SUGCT: variants seen among roughly 807,000 people sequenced by gnomAD.
SUGCT encodes the protein succinyl-CoA:glutarate-CoA transferase, also known as succinyl-CoA:glutarate CoA-transferase.
A neutral mutation model predicts 55.0 loss-of-function variants in SUGCT; 41 were observed. That is an observed-to-expected ratio of 0.74 (90% CI 0.58 to 0.97). The LOEUF (loss-of-function observed/expected upper bound fraction) is 0.97. SUGCT is among the 50% of genes least tolerant of loss of function. SUGCT has a pLI of 0.00. For missense variants in SUGCT, 568 were observed against 547.8 expected (o/e 1.04, Z -0.37); for synonymous variants, 187 against 200.4 (o/e 0.93, Z 0.56).
chr7:40,666,404 T>C (rs1343833453), intron 12 of SUGCT, among the ~76,000 whole-genome samples: 1 of 100,236 alleles, frequency 1.0e-5, no homozygotes, highest in African/African-American at 5.8e-5. Flanking sequence ...AGAAAGAAAG[T>C]AGGGTTATAG....
chr7:40,180,506 T>C (rs936168497), intron 1 of SUGCT, among the ~76,000 whole-genome samples: 4 of 151,774 alleles, frequency 2.6e-5, no homozygotes, highest in Admixed American at 6.6e-5. Flanking sequence ...TTTTTTTTTT[T>C]CGAGACAGAG....
At chr7:40,742,731 A>C (rs1322104628) in intron 12 of SUGCT, among the ~76,000 whole-genome samples, 1 of 152,234 alleles carries the variant, frequency 6.6e-6, no homozygotes, top group Non-Finnish European at 1.5e-5. Flanking sequence ...ATTTGTTGTC[A>C]GGAATTTATG....
At chr7:40,426,114 A>C (rs910689809) in intron 9 of SUGCT, among the ~76,000 whole-genome samples, 30 of 152,144 alleles carry the variant, frequency 2.0e-4, no homozygotes, top group Admixed American at 1.4e-3. Flanking sequence ...ACAGGGAGAT[A>C]AGCTCTATTC....
intron 6 of SUGCT, among the ~76,000 whole-genome samples, chr7:40,230,538 A>T (rs928755597): frequency 6.6e-6 from 1 of 152,208 alleles, no homozygotes; most frequent in African/African-American, 2.4e-5. Flanking sequence ...AGGACATGAG[A>T]GGCTGGATGG....
intron 9 of SUGCT, among the ~76,000 whole-genome samples, chr7:40,350,078 A>T (rs1411577194): frequency 6.6e-6 from 1 of 152,084 alleles, no homozygotes; most frequent in Non-Finnish European, 1.5e-5. Flanking sequence ...CATTTAGAAT[A>T]TACCTAGCAG....
chr7:40,666,966 A>G (rs769251437), intron 12 of SUGCT, among the ~76,000 whole-genome samples: 1 of 151,936 alleles, frequency 6.6e-6, no homozygotes, highest in African/African-American at 2.4e-5. Flanking sequence ...CGTCTCTACT[A>G]AAATTAGATG....
At chr7:40,942,900 C>A in the SUGCT span, among the ~76,000 whole-genome samples, 8,592 of 151,964 alleles carry the variant, frequency 0.057, 255 homozygotes, top group Middle Eastern at 0.078. Flanking sequence ...TCTTTTATTT[C>A]CAGAAGTTCT....
At chr7:40,820,491 A>C (rs1461835894) in intron 13 of SUGCT, among the ~76,000 whole-genome samples, 2 of 152,080 alleles carry the variant, frequency 1.3e-5, no homozygotes, top group Non-Finnish European at 2.9e-5. Flanking sequence ...ATCCCTTGTA[A>C]GTTGGATTCC....
Position 40,850,182 on chromosome 7 carries a change from T to G in SUGCT, c.1154-10134T>G, listed in dbSNP as rs151249145. Among the ~76,000 whole-genome samples, 365 of 152,214 alleles carry G rather than the reference T, an allele frequency of 2.4e-3. 4 individuals are homozygous for G. In the Middle Eastern group the frequency reaches 0.041, roughly 17 times the overall value. The stretch of plus-strand genomic sequence containing the variant: ...TCATTCTCTCCTTCCTTTGCTCTCT[T>G]TCTTTCACCAGAAAGCAGTGTGGTC... On this transcript the variant is annotated intron_variant, in intron 13 of 13. Coordinates refer to ENST00000335693, the MANE Select transcript of SUGCT (RefSeq NM_001193313.2).
At chr7:40,234,218 A>G (rs1008637349) in intron 6 of SUGCT, among the ~76,000 whole-genome samples, 1 of 152,330 alleles carries the variant, frequency 6.6e-6, no homozygotes, top group East Asian at 1.9e-4. Flanking sequence ...AGTTAACTGA[A>G]ACTTAATTTC....
the SUGCT span, among the ~76,000 whole-genome samples, chr7:40,978,538 G>A: frequency 5.9e-5 from 9 of 152,124 alleles, no homozygotes; most frequent in Admixed American, 2.6e-4. Context: ...AGTCAAAAAC[G>A]TGTGAGTGGG....
chr7:40,968,881 A>T, the SUGCT span, among the ~76,000 whole-genome samples: 3 of 152,082 alleles, frequency 2.0e-5, no homozygotes, highest in African/African-American at 7.2e-5. Context: ...CTGAGGGTGG[A>T]AGTCCCCTCC....
At chr7:40,483,857 A>G (rs1022800460) in intron 11 of SUGCT, among the ~76,000 whole-genome samples, 2 of 152,212 alleles carry the variant, frequency 1.3e-5, no homozygotes, top group East Asian at 3.9e-4. Context: ...GAGAATATTG[A>G]GCATGGTGGA....
intron 9 of SUGCT, among the ~76,000 whole-genome samples, chr7:40,323,872 G>A (rs1011275558): frequency 3.9e-5 from 6 of 152,040 alleles, no homozygotes; most frequent in Non-Finnish European, 8.8e-5. Flanking sequence ...TCTCTCTCAA[G>A]TGGCCCCTCG....
chr7:40,430,835 C>G (rs180741584), intron 9 of SUGCT, among the ~76,000 whole-genome samples: 1 of 151,272 alleles, frequency 6.6e-6, no homozygotes. Context: ...GCCTGTGGGC[C>G]GGGCACTGTG....
chr7:40,784,455 T>C (rs1262939354), intron 13 of SUGCT, among the ~76,000 whole-genome samples: 1 of 152,138 alleles, frequency 6.6e-6, no homozygotes, highest in African/African-American at 2.4e-5. Flanking sequence ...AAATTCTACA[T>C]TACTGGGGAT....
At chr7:40,343,849 G>T (rs1053933157) in intron 9 of SUGCT, among the ~76,000 whole-genome samples, 1 of 151,986 alleles carries the variant, frequency 6.6e-6, no homozygotes, top group Non-Finnish European at 1.5e-5. Context: ...GTAGAGACAG[G>T]GTTTCACTGT....
chr7:40,508,925 C>T (rs1243890609), intron 12 of SUGCT, among the ~76,000 whole-genome samples: 1 of 152,036 alleles, frequency 6.6e-6, no homozygotes, highest in East Asian at 1.9e-4. Context: ...CTGACTGTGC[C>T]CTGCTGTGGT....
chr7:40,572,584 G>T (rs1451456754), intron 12 of SUGCT, among the ~76,000 whole-genome samples: 2 of 152,016 alleles, frequency 1.3e-5, no homozygotes, highest in Non-Finnish European at 2.9e-5. Context: ...ACTTTAATGG[G>T]GATTATCTTC....
Sources: gnomAD v4.1 joint callset for allele counts (sites outside exome capture counted in the v4.1 genomes callset) on GRCh38, gnomAD v4.1.1 for gene constraint, MANE v1.5 for transcripts, NCBI Gene and HGNC (gene_info 2026-07-23, HGNC 2026-07-21) for gene names.